Variants in LRIF1 observed in about 807,000 individuals in gnomAD.
LRIF1 encodes ligand-dependent nuclear receptor-interacting factor 1.
In LRIF1, 32 loss-of-function variants were observed where a neutral mutation model predicts 52.7. That is an observed-to-expected ratio of 0.61 (90% CI 0.46 to 0.82). LRIF1 has a LOEUF of 0.82. LRIF1 is among the 40% of genes least tolerant of loss of function. LRIF1 has a pLI of 0.00. For synonymous variants in LRIF1, 323 were observed against 317.4 expected, an observed-to-expected ratio of 1.02 and a Z score of -0.19; for missense variants, 887 against 892.0, an observed-to-expected ratio of 0.99 and a Z score of 0.07.
chr1:110,880,008 C>G, the LRIF1 span, among the ~76,000 whole-genome samples: 1 of 152,176 alleles, frequency 6.6e-6, no homozygotes, highest in Non-Finnish European at 1.5e-5. Flanking sequence ...TCTACCAGCT[C>G]AAGCCCATTG....
chr1:110,906,846 T>C, the LRIF1 span, among the ~76,000 whole-genome samples: 1 of 152,110 alleles, frequency 6.6e-6, no homozygotes, highest in African/African-American at 2.4e-5. Flanking sequence ...TACATGTAAA[T>C]ACAAAAGGTC....
chr1:110,894,549 G>GA, the LRIF1 span: 2 of 608,152 alleles, frequency 3.3e-6, no homozygotes, highest in Non-Finnish European at 5.8e-6. Context: ...AATTGTAATT[G>GA]GGGGGAAAAT....
chr1:110,902,495 T>TAAAAAAA, the LRIF1 span, among the ~76,000 whole-genome samples: 39 of 72,656 alleles, frequency 5.4e-4, no homozygotes, highest in African/African-American at 7.0e-4. Context: ...AATCAATCAC[T>TAAAAAAA]AAAAAAAAAA....
the LRIF1 span, among the ~76,000 whole-genome samples, chr1:110,914,522 G>T: frequency 6.6e-6 from 1 of 152,162 alleles, no homozygotes; most frequent in Admixed American, 6.5e-5. Context: ...GGGAGGCTAA[G>T]GTGGGTGGAT....
At chr1:110,886,123 G>A in the LRIF1 span, among the ~76,000 whole-genome samples, 1 of 151,942 alleles carries the variant, frequency 6.6e-6, no homozygotes, top group African/African-American at 2.4e-5. Context: ...TTTTTATTGG[G>A]TATAGATTTT....
the LRIF1 span, chr1:110,892,606 G>C: frequency 8.1e-7 from 1 of 1,232,238 alleles, no homozygotes. Flanking sequence ...GATGTTTCTT[G>C]GTAGATCACT....
rs2232042 is a variant in LRIF1 at position 110,951,455 on chromosome 1, T to C, written c.1429A>G (p.Ile477Val). The change falls in exon 2 of 4, where the codon ATC (isoleucine) becomes GTC (valine). Residue 477 changes from isoleucine to valine, a missense_variant. Transcript: ENST00000369763. Reference protein sequence around the residue: ...KQSKTLFTNPIFPVGFSTGHN... With the variant: ...KQSKTLFTNPVFPVGFSTGHN... ...CCTGTACTAAATCCAACTGGAAAGA[T>C]TGGATTTGTGAATAAAGTCTTACTC... 3.7e-5 allele frequency: 60 copies of C among 1,614,000 alleles called. No homozygotes were observed. The highest frequency in any genetic ancestry group is 1.7e-4 in the Admixed American group (10 of 59,994).
At chr1:110,894,404 A>G in the LRIF1 span, 1 of 1,609,738 alleles carries the variant, frequency 6.2e-7, no homozygotes, top group East Asian at 2.2e-5. Context: ...AACAGAAGGT[A>G]AGTTATAAAG....
chr1:110,931,180 T>C, the LRIF1 span, among the ~76,000 whole-genome samples: 1 of 152,158 alleles, frequency 6.6e-6, no homozygotes, highest in African/African-American at 2.4e-5. Flanking sequence ...TTCCCCTCTG[T>C]GTGTCCATGT....
the LRIF1 span, among the ~76,000 whole-genome samples, chr1:110,882,215 T>C: frequency 4.6e-5 from 7 of 152,164 alleles, no homozygotes; most frequent in Non-Finnish European, 5.9e-5. Context: ...TGGAGAATTA[T>C]AGTTTTGGAT....
chr1:110,949,923 G>A lies in LRIF1; in HGVS notation c.1797C>T (p.Ser599=), dbSNP rs1269889943. 6.2e-7 allele frequency: 1 copy of A among 1,614,116 alleles called. No individual in the cohort carries two copies. The highest frequency in any genetic ancestry group is 8.5e-7 in the Non-Finnish European group (1 of 1,180,014). ...TACCACTCTTTACCAAACTGCTAAA[G>A]GAATCGAAACCTTCTCCAGAGGTCA... ...DHLTSGEGFD[S]FSSLVKSGTY... is the part of the protein sequence containing the mutation. Residue 599 remains serine (S), a synonymous_variant, in exon 3 of 4, where the codon TCC becomes TCT. Transcript: ENST00000369763.
the LRIF1 span, chr1:110,897,722 A>G: frequency 1.3e-6 from 1 of 763,602 alleles, no homozygotes; most frequent in South Asian, 1.7e-5. Context: ...CATAAAGCAA[A>G]ATGCAAAGCA....
intron 3 of LRIF1, among the ~76,000 whole-genome samples, chr1:110,949,309 G>C (rs1297193280): frequency 1.3e-5 from 2 of 151,902 alleles, no homozygotes; most frequent in Non-Finnish European, 2.9e-5. Flanking sequence ...TAGTAGAGAC[G>C]GGGTTTCACC....
chr1:110,933,715 G>T, the LRIF1 span, among the ~76,000 whole-genome samples: 1 of 152,190 alleles, frequency 6.6e-6, no homozygotes, highest in East Asian at 1.9e-4. Context: ...GCCATGGAGA[G>T]CTACAGTATT....
the LRIF1 span, among the ~76,000 whole-genome samples, chr1:110,902,847 T>C: frequency 1.3e-5 from 2 of 152,208 alleles, no homozygotes; most frequent in African/African-American, 4.8e-5. Flanking sequence ...TCATAGGACC[T>C]GCTGTTAAGT....
chr1:110,900,642 C>T, the LRIF1 span, among the ~76,000 whole-genome samples: 4 of 151,556 alleles, frequency 2.6e-5, no homozygotes, highest in Admixed American at 2.0e-4. Context: ...GCTGGGATTA[C>T]AGGCATGAGC....
the LRIF1 span, among the ~76,000 whole-genome samples, chr1:110,887,826 G>C: frequency 3.3e-5 from 5 of 152,194 alleles, no homozygotes; most frequent in African/African-American, 1.2e-4. Flanking sequence ...TCAGGACTCA[G>C]CTAAATTCTT....
chr1:110,951,736 T>C lies in LRIF1; in HGVS notation c.1148A>G (p.Asn383Ser), dbSNP rs1214369039. Residue 383 changes from asparagine to serine, a missense_variant, in exon 2 of 4, where the codon AAT becomes AGT. Transcript: ENST00000369763. Reference sequence around the variant, plus strand: ...TACTGGAGTATCAGGAGAAACAGAATTCTGTTGGTCAATTTGTGATGGCAG... The same window carrying C: ...TACTGGAGTATCAGGAGAAACAGAACTCTGTTGGTCAATTTGTGATGGCAG... ...DVLPSQIDQQ[N>S]SVSPDTPVRK... is the part of the protein sequence containing the mutation. 6.2e-7 allele frequency: 1 copy of C among 1,613,724 alleles called. No individual in the cohort carries two copies. The highest frequency in any genetic ancestry group is 8.5e-7 in the Non-Finnish European group (1 of 1,180,000).
chr1:110,883,338 T>A, the LRIF1 span, among the ~76,000 whole-genome samples: 7 of 151,996 alleles, frequency 4.6e-5, no homozygotes, highest in Non-Finnish European at 8.8e-5. Context: ...TTTCAATTCA[T>A]TAATATGACT....
Sources: allele counts gnomAD v4.1 joint callset (sites outside exome capture counted in the v4.1 genomes callset), GRCh38; gene constraint gnomAD v4.1.1; transcripts MANE v1.5; gene names NCBI Gene and HGNC (gene_info 2026-07-23, HGNC 2026-07-21).